LRBA: variants seen among roughly 807,000 people sequenced by gnomAD.
LRBA encodes the protein lipopolysaccharide-responsive and beige-like anchor protein.
A neutral mutation model predicts 330.0 loss-of-function variants in LRBA; 176 were observed. The ratio of observed to expected loss-of-function variants is 0.53; its 90% CI spans 0.47 to 0.60. The LOEUF (loss-of-function observed/expected upper bound fraction) is 0.60, where lower values mean the gene tolerates loss of function less well. Ranked by LOEUF, LRBA falls within the 20% of genes least tolerant of loss-of-function variation. The pLI, the probability that LRBA is intolerant of heterozygous loss-of-function variation, is 0.00. For synonymous variants in LRBA, 1,230 were observed against 1,193.0 expected (o/e 1.03, Z -0.64); for missense variants, 3,259 against 3,444.8 (o/e 0.95, Z 1.35).
At chr4:150,835,723 A>G (rs1001858261) in intron 28 of LRBA, among the ~76,000 whole-genome samples, 4 of 152,062 alleles carry the variant, frequency 2.6e-5, no homozygotes, top group African/African-American at 9.7e-5. Flanking sequence ...GGGTTTTCTA[A>G]ATATACAATC....
chr4:150,685,022 G>A (rs1783408979), intron 36 of LRBA, among the ~76,000 whole-genome samples: 1 of 152,058 alleles, frequency 6.6e-6, no homozygotes, highest in South Asian at 2.1e-4. Flanking sequence ...CAAAGTTCAA[G>A]ATTTAGTTGG....
At chr4:150,808,478 C>T in intron 31 of LRBA, 80 bp from the exon 32 acceptor site, 2 of 776,792 alleles carry the variant, frequency 2.6e-6, no homozygotes, top group Admixed American at 4.1e-5. Context: ...GTCATTATAC[C>T]AGTCAATAAA....
In LRBA at chr4:150,564,904, A is replaced by G. The variant is rs1223381128; in HGVS notation, c.6330+23144T>C. 4.6e-5 allele frequency among the ~76,000 whole-genome samples: 7 copies of G among 152,290 alleles called. No homozygotes were observed. The East Asian group carries it at 1.3e-3, about 29-fold the overall frequency. On this transcript the variant is annotated intron_variant, in intron 40 of 56. Transcript: ENST00000651943. ...AACAGATGCTGGCGAAGCTATGGAG[A>G]AAAAAAGAATGCTTTTACATCGTTG... is the stretch of plus-strand genomic sequence containing the variant.
chr4:150,913,747 A>T (rs184969559), intron 9 of LRBA, among the ~76,000 whole-genome samples: 1 of 152,306 alleles, frequency 6.6e-6, no homozygotes, highest in Non-Finnish European at 1.5e-5. Context: ...TTTCTGGTGA[A>T]CTGACCCTAT....
At chr4:150,616,254 G>A (rs1193353201) in intron 37 of LRBA, among the ~76,000 whole-genome samples, 4 of 152,104 alleles carry the variant, frequency 2.6e-5, no homozygotes, top group Non-Finnish European at 5.9e-5. Context: ...AGACTTTCAA[G>A]CAAGTGACCA....
chr4:150,914,385 A>C, intron 8 of LRBA, 44 bp from the exon 9 acceptor site: 1 of 1,383,228 alleles, frequency 7.2e-7, no homozygotes, highest in African/African-American at 1.4e-5. Flanking sequence ...AACAAAAAAA[A>C]ACTCCAGAAA....
At chr4:150,432,453 C>CTTGTTTTTTTT (rs1750534126) in intron 46 of LRBA, among the ~76,000 whole-genome samples, 1 of 98,438 alleles carries the variant, frequency 1.0e-5, no homozygotes. Flanking sequence ...TAAGTGTGTT[C>CTTGTTTTTTTT]TTTTTTTTTT....
chr4:150,414,448 T>C (rs912931787), intron 47 of LRBA, among the ~76,000 whole-genome samples: 22 of 152,190 alleles, frequency 1.4e-4, no homozygotes, highest in Non-Finnish European at 5.9e-5. Flanking sequence ...TCACTTTTAA[T>C]GTAGAGTGTG....
At chr4:150,915,882 A>G (rs920565413) in intron 7 of LRBA, among the ~76,000 whole-genome samples, 155 bp from the exon 8 acceptor site, 9 of 152,134 alleles carry the variant, frequency 5.9e-5, no homozygotes, top group Admixed American at 3.9e-4. Context: ...TTCTGGAACA[A>G]TATCTATTCA....
At chr4:150,460,152 CACTTAAA>C (rs1020906343) in intron 44 of LRBA, among the ~76,000 whole-genome samples, 3 of 151,672 alleles carry the variant, frequency 2.0e-5, no homozygotes, top group Non-Finnish European at 4.4e-5. Flanking sequence ...TCAGAAACAG[CACTTAAA>C]ACTTAAAGAG....
chr4:150,700,102 A>G (rs923034394), intron 36 of LRBA, among the ~76,000 whole-genome samples: 12 of 152,188 alleles, frequency 7.9e-5, no homozygotes, highest in African/African-American at 1.2e-4. Context: ...CTGAAATTTG[A>G]AACACTTCTG....
intron 34 of LRBA, among the ~76,000 whole-genome samples, chr4:150,777,327 C>T (rs932616818): frequency 3.3e-5 from 5 of 151,862 alleles, no homozygotes; most frequent in Non-Finnish European, 7.4e-5. Flanking sequence ...AGTAATACTA[C>T]CCTTTTTTAT....
intron 55 of LRBA, 77 bp downstream of exon 55, chr4:150,282,373 C>T (rs561825177): frequency 6.0e-6 from 8 of 1,331,196 alleles, no homozygotes; most frequent in East Asian, 2.3e-5. Context: ...AGGTTTCTTT[C>T]GCGAACCCTC....
chr4:150,981,463 A>G (rs1224392446), intron 2 of LRBA, among the ~76,000 whole-genome samples: 1 of 152,008 alleles, frequency 6.6e-6, no homozygotes, highest in Non-Finnish European at 1.5e-5. Flanking sequence ...CAAAAGACCC[A>G]GAATAGCCAA....
chr4:150,624,139 T>C (rs1211967784), intron 37 of LRBA, among the ~76,000 whole-genome samples: 1 of 152,156 alleles, frequency 6.6e-6, no homozygotes, highest in East Asian at 1.9e-4. Context: ...CAAATACTTG[T>C]TTTGTGACAA....
intron 47 of LRBA, among the ~76,000 whole-genome samples, chr4:150,365,562 T>G (rs935486817): frequency 6.6e-6 from 1 of 152,064 alleles, no homozygotes; most frequent in African/African-American, 2.4e-5. Context: ...GAGGTCAAGA[T>G]GGACAGATCA....
At chr4:150,643,146 C>T (rs376434402) in intron 37 of LRBA, among the ~76,000 whole-genome samples, 45 of 151,782 alleles carry the variant, frequency 3.0e-4, no homozygotes, top group African/African-American at 1.1e-3. Context: ...CCAGGCTGGG[C>T]ATATCTAAAT....
intron 17 of LRBA, among the ~76,000 whole-genome samples, chr4:150,885,954 C>A (rs547883012): frequency 4.6e-5 from 7 of 151,322 alleles, no homozygotes; most frequent in African/African-American, 1.7e-4. Context: ...ATAATAAAGC[C>A]CACCAAGATG....
At chr4:150,488,682 T>A (rs1450962703) in intron 41 of LRBA, among the ~76,000 whole-genome samples, 3 of 150,892 alleles carry the variant, frequency 2.0e-5, no homozygotes, top group African/African-American at 7.3e-5. Flanking sequence ...AATGTCAGAA[T>A]CATATGTAAG....
Sources: gnomAD v4.1 joint callset for allele counts (sites outside exome capture counted in the v4.1 genomes callset) on GRCh38, gnomAD v4.1.1 for gene constraint, MANE v1.5 for transcripts, NCBI Gene and HGNC (gene_info 2026-07-23, HGNC 2026-07-21) for gene names.